The following QTGAL variants were observed in gnomAD, a reference collection of about 807,000 sequenced individuals.
QTGAL encodes the protein BGnT-like protein 1.
At chr17:83,039,318 G>GCAGATTAGCTCATTTCA in the QTGAL span, among the ~76,000 whole-genome samples, 6 of 57,338 alleles carry the variant, frequency 1.0e-4, no homozygotes, top group Middle Eastern at 0.015. Context: ...TAGACACACT[G>GCAGATTAGCTCATTTCA]CTGGGCGCCC....
At chr17:83,020,798 G>A in the QTGAL span, among the ~76,000 whole-genome samples, 4 of 152,354 alleles carry the variant, frequency 2.6e-5, no homozygotes, top group East Asian at 7.7e-4. Flanking sequence ...CGGGGTTCAG[G>A]GATCTGTGAG....
the QTGAL span, among the ~76,000 whole-genome samples, chr17:82,980,827 G>A: frequency 6.6e-6 from 1 of 152,146 alleles, no homozygotes; most frequent in Admixed American, 6.5e-5. Context: ...GTGGGCCATT[G>A]CTGATCACCC....
chr17:83,028,904 GAGCCACCAATACAC>G, the QTGAL span, among the ~76,000 whole-genome samples: 6 of 152,104 alleles, frequency 3.9e-5, no homozygotes, highest in East Asian at 1.9e-4. Context: ...AAACAGTAAG[GAGCCACCAATACAC>G]AGCCACCAAT....
the QTGAL span, among the ~76,000 whole-genome samples, chr17:82,990,674 C>T: frequency 6.6e-6 from 1 of 152,188 alleles, no homozygotes; most frequent in Non-Finnish European, 1.5e-5. Context: ...TTTCAAATTT[C>T]AGAATTACAG....
the QTGAL span, among the ~76,000 whole-genome samples, chr17:82,997,945 A>ATATATC: frequency 6.8e-6 from 1 of 148,084 alleles, no homozygotes; most frequent in East Asian, 1.9e-4. Context: ...ATATATATAT[A>ATATATC]TATCTATATC....
chr17:83,050,297 G>A, the QTGAL span, among the ~76,000 whole-genome samples: 9 of 152,116 alleles, frequency 5.9e-5, no homozygotes, highest in African/African-American at 2.2e-4. Flanking sequence ...TTGAACCCGG[G>A]AGGCAGAGGT....
the QTGAL span, among the ~76,000 whole-genome samples, chr17:82,984,032 C>T: frequency 7.6e-6 from 1 of 132,216 alleles, no homozygotes. Context: ...AGGGGAGAGG[C>T]CACGTGAGCA....
the QTGAL span, among the ~76,000 whole-genome samples, chr17:83,029,502 G>A: frequency 1.3e-5 from 2 of 152,186 alleles, no homozygotes; most frequent in Admixed American, 1.3e-4. Context: ...CCTGTGAGAC[G>A]TGAGAAGACC....
At chr17:82,970,679 G>GTGATGCGAGGCCTC in the QTGAL span, among the ~76,000 whole-genome samples, 1 of 147,844 alleles carries the variant, frequency 6.8e-6, no homozygotes, top group Non-Finnish European at 1.5e-5. Context: ...CAGCGTGGCC[G>GTGATGCGAGGCCTC]TGATGCGAGG....
chr17:82,996,794 G>A, the QTGAL span, among the ~76,000 whole-genome samples: 2 of 152,186 alleles, frequency 1.3e-5, no homozygotes, highest in African/African-American at 4.8e-5. Context: ...TTACATTGGG[G>A]AAGAGATGGT....
chr17:83,033,475 CTT>C, the QTGAL span, among the ~76,000 whole-genome samples: 26 of 145,462 alleles, frequency 1.8e-4, no homozygotes, highest in African/African-American at 3.9e-4. Flanking sequence ...AAGTTATATG[CTT>C]TTTTTTTTTT....
chr17:82,943,682 A>T, the QTGAL span: 1 of 152,198 alleles, frequency 6.6e-6, no homozygotes, highest in South Asian at 2.1e-4. Flanking sequence ...TCTTCACGGG[A>T]TGTGTGTGAC....
chr17:83,026,908 A>G, the QTGAL span, among the ~76,000 whole-genome samples: 1 of 147,528 alleles, frequency 6.8e-6, no homozygotes. Context: ...ACAGACACAC[A>G]GAGGAGGGCA....
the QTGAL span, among the ~76,000 whole-genome samples, chr17:83,014,103 G>A: frequency 1.3e-5 from 2 of 152,186 alleles, no homozygotes; most frequent in Non-Finnish European, 1.5e-5. Context: ...GATAAAAACC[G>A]TAATTTAAGA....
the QTGAL span, chr17:82,960,622 C>T: frequency 6.3e-6 from 1 of 159,930 alleles, no homozygotes; most frequent in South Asian, 2.0e-4. Flanking sequence ...GGGAGGCGGA[C>T]CCCGCAGCAC....
chr17:83,001,591 A>G, the QTGAL span, among the ~76,000 whole-genome samples: 1 of 89,346 alleles, frequency 1.1e-5, no homozygotes, highest in Non-Finnish European at 2.0e-5. Context: ...GGTCACAGAA[A>G]GCAGAGGGGC....
At chr17:82,959,379 A>G in the QTGAL span, among the ~76,000 whole-genome samples, 1 of 147,430 alleles carries the variant, frequency 6.8e-6, no homozygotes, top group Non-Finnish European at 1.5e-5. Context: ...GCGTGTGTGC[A>G]GTGAGCGTGT....
the QTGAL span, among the ~76,000 whole-genome samples, chr17:83,046,835 GACAA>G: frequency 6.6e-6 from 1 of 152,196 alleles, no homozygotes; most frequent in Non-Finnish European, 1.5e-5. Flanking sequence ...TCCACTGCCT[GACAA>G]ACAGACACAC....
the QTGAL span, among the ~76,000 whole-genome samples, chr17:82,983,693 C>T: frequency 3.9e-5 from 6 of 152,232 alleles, no homozygotes; most frequent in Non-Finnish European, 2.9e-5. Flanking sequence ...GTGGGGGCAG[C>T]GGCTCCCGTT....
Sources: gnomAD v4.1 joint callset for allele counts (sites outside exome capture counted in the v4.1 genomes callset) on GRCh38, gnomAD v4.1.1 for gene constraint, MANE v1.5 for transcripts, NCBI Gene and HGNC (gene_info 2026-07-23, HGNC 2026-07-21) for gene names.